SH3GL3: variants seen among roughly 807,000 people sequenced by gnomAD.
SH3GL3 encodes endophilin-A3.
In SH3GL3, 33 loss-of-function variants were observed where a neutral mutation model predicts 47.7. The observed-to-expected ratio is 0.69, with a 90% CI of 0.52 to 0.92. The LOEUF (loss-of-function observed/expected upper bound fraction) is 0.92. SH3GL3 is among the 40% of genes least tolerant of loss of function. The pLI is 0.00. For missense variants in SH3GL3, 363 were observed against 417.8 expected, an observed-to-expected ratio of 0.87 and a Z score of 1.14; for synonymous variants, 155 against 148.8, an observed-to-expected ratio of 1.04 and a Z score of -0.30.
chr15:83,501,150 T>G (rs2151606192), intron 1 of SH3GL3, among the ~76,000 whole-genome samples: 1 of 152,238 alleles, frequency 6.6e-6, no homozygotes, highest in East Asian at 1.9e-4. Flanking sequence ...GCAAGAACTC[T>G]GCAATTCTTT....
intron 1 of SH3GL3, among the ~76,000 whole-genome samples, chr15:83,517,205 C>CTTTTTTTTTTTTTTT (rs36096315): frequency 3.6e-5 from 4 of 109,674 alleles, no homozygotes; most frequent in Non-Finnish European, 3.8e-5. Flanking sequence ...CTTTTCTTTT[C>CTTTTTTTTTTTTTTT]TTTTTTTTTT....
intron 3 of SH3GL3, 73 bp from the exon 4 acceptor site, chr15:83,568,456 C>T (rs983170580): frequency 4.6e-6 from 6 of 1,296,388 alleles, no homozygotes; most frequent in African/African-American, 1.5e-5. Flanking sequence ...TTGGCAGCTG[C>T]GTTTATTAAA....
At chr15:83,469,916 C>G (rs1482317909) in intron 1 of SH3GL3, among the ~76,000 whole-genome samples, 2 of 152,128 alleles carry the variant, frequency 1.3e-5, no homozygotes, top group Non-Finnish European at 1.5e-5. Flanking sequence ...AGATAAGTCT[C>G]CAACTATAAT....
At chr15:83,543,710 T>A (rs1232067508) in intron 1 of SH3GL3, among the ~76,000 whole-genome samples, 1 of 152,120 alleles carries the variant, frequency 6.6e-6, no homozygotes, top group Non-Finnish European at 1.5e-5. Flanking sequence ...CATTAGCCTA[T>A]TCAGACTTTG....
chr15:83,568,071 C>T (rs1018111562), intron 3 of SH3GL3, among the ~76,000 whole-genome samples: 4 of 151,860 alleles, frequency 2.6e-5, no homozygotes, highest in African/African-American at 9.7e-5. Flanking sequence ...CAACCTCCGC[C>T]TCCCGGGTTC....
intron 1 of SH3GL3, among the ~76,000 whole-genome samples, chr15:83,471,784 A>C (rs1310860915): frequency 6.6e-6 from 1 of 152,096 alleles, no homozygotes; most frequent in East Asian, 1.9e-4. Flanking sequence ...GTTTTTCTCT[A>C]TAGGTTAAGT....
intron 6 of SH3GL3, among the ~76,000 whole-genome samples, chr15:83,579,211 A>AGC (rs2059766624): frequency 6.6e-6 from 1 of 152,216 alleles, no homozygotes; most frequent in African/African-American, 2.4e-5. Flanking sequence ...AGCAGAAGTA[A>AGC]GAGCTGGTTC....
chr15:83,600,059 G>C (rs954414174), intron 8 of SH3GL3, among the ~76,000 whole-genome samples: 5 of 151,648 alleles, frequency 3.3e-5, no homozygotes, highest in Admixed American at 3.3e-4. Flanking sequence ...TTCTTGCTAA[G>C]TTGTTTGAGT....
chr15:83,601,921 G>A (rs1490730457), intron 8 of SH3GL3, among the ~76,000 whole-genome samples: 2 of 142,224 alleles, frequency 1.4e-5, no homozygotes, highest in Non-Finnish European at 3.0e-5. Context: ...TTTTTATATT[G>A]TATTATGCTA....
At chr15:83,474,729 G>A (rs77377738) in intron 1 of SH3GL3, among the ~76,000 whole-genome samples, 2,767 of 152,210 alleles carry the variant, frequency 0.018, 43 homozygotes, top group Middle Eastern at 0.027. Context: ...AGGCAGATTG[G>A]GTAGTAATGA....
intron 1 of SH3GL3, among the ~76,000 whole-genome samples, chr15:83,525,346 T>TTGCGTGTG (rs1567302131): frequency 1.4e-5 from 1 of 73,948 alleles, no homozygotes; most frequent in African/African-American, 6.1e-5. Flanking sequence ...ATGAGATTCT[T>TTGCGTGTG]TGTGCGTGTG....
intron 1 of SH3GL3, among the ~76,000 whole-genome samples, chr15:83,477,153 C>T (rs919506625): frequency 6.6e-6 from 1 of 152,132 alleles, no homozygotes; most frequent in South Asian, 2.1e-4. Context: ...GATGGGGACT[C>T]TCATTTACTT....
At chr15:83,489,584 C>A (rs779783391) in intron 1 of SH3GL3, among the ~76,000 whole-genome samples, 28 of 152,166 alleles carry the variant, frequency 1.8e-4, no homozygotes, top group Non-Finnish European at 3.5e-4. Flanking sequence ...TGTAAAGATC[C>A]TTTCGTATTA....
chr15:83,518,545 A>G (rs922006178), intron 1 of SH3GL3, among the ~76,000 whole-genome samples: 1 of 152,128 alleles, frequency 6.6e-6, no homozygotes, highest in African/African-American at 2.4e-5. Context: ...TTCTTTTGAA[A>G]AGTGTTTATT....
At chr15:83,496,522 C>T (rs989286130) in intron 1 of SH3GL3, among the ~76,000 whole-genome samples, 7 of 152,118 alleles carry the variant, frequency 4.6e-5, no homozygotes, top group Admixed American at 2.6e-4. Context: ...CTACATCACA[C>T]GGTTTATAAG....
intron 1 of SH3GL3, among the ~76,000 whole-genome samples, chr15:83,545,796 A>G (rs999423826): frequency 1.3e-5 from 2 of 152,180 alleles, no homozygotes; most frequent in African/African-American, 4.8e-5. Flanking sequence ...GTGCTGCCTC[A>G]GTGGTCTTGG....
chr15:83,484,651 T>G (rs1050693535), intron 1 of SH3GL3, among the ~76,000 whole-genome samples: 29 of 152,314 alleles, frequency 1.9e-4, no homozygotes, highest in Admixed American at 4.6e-4. Context: ...TCTAGAACTA[T>G]TCAAGTCAGC....
intron 6 of SH3GL3, among the ~76,000 whole-genome samples, chr15:83,586,665 T>C (rs144308869): frequency 2.6e-5 from 4 of 152,368 alleles, no homozygotes; most frequent in Non-Finnish European, 5.9e-5. Flanking sequence ...TTTATCTCTC[T>C]GTTTTCAGAT....
Position 83,447,465 on chromosome 15 carries a change from C to T in SH3GL3, c.-69C>T. On this transcript the variant is annotated 5_prime_UTR_variant, in exon 1 of 9. Coordinates refer to ENST00000427482, the MANE Select transcript of SH3GL3 (RefSeq NM_003027.5). The surrounding 1 kb of genome is among the most constrained non-coding windows in gnomAD (Gnocchi z 5.1). ...GGGACCGGCCCGGGCTCCCGCTCCC[C>T]GAGCGCGTCGCGGCCGCGTGGCCCA... 7.2e-7 allele frequency: 1 copy of T among 1,381,136 alleles called. No individual in the cohort carries two copies. 85.6% of individuals were successfully genotyped at this position (1,381,136 alleles called of 1,614,324 possible). A position where few individuals can be genotyped will look rare whatever the true frequency, so the allele number is the denominator to read the frequency against.
Sources: allele counts gnomAD v4.1 joint callset (sites outside exome capture counted in the v4.1 genomes callset), GRCh38; gene constraint gnomAD v4.1.1; non-coding constraint Gnocchi (gnomAD v3.1); transcripts MANE v1.5; gene names NCBI Gene and HGNC (gene_info 2026-07-23, HGNC 2026-07-21).